Variants in KCNH8 observed in about 807,000 individuals in gnomAD.
KCNH8 encodes the protein potassium voltage-gated channel subfamily H member 8.
KCNH8 carries 70 observed loss-of-function variants against 103.6 expected under a neutral mutation model. That is an observed-to-expected ratio of 0.68 (90% CI 0.56 to 0.82). The LOEUF is 0.82. Ranked by LOEUF, KCNH8 falls within the 40% of genes least tolerant of loss-of-function variation. KCNH8 has a pLI of 0.00. For synonymous variants in KCNH8, 498 were observed against 489.4 expected (o/e 1.02, Z -0.23); for missense variants, 1,217 against 1,329.9 (o/e 0.92, Z 1.32).
chr3:19,348,953 C>T (rs2065763696), intron 5 of KCNH8, among the ~76,000 whole-genome samples: 1 of 151,738 alleles, frequency 6.6e-6, no homozygotes. Flanking sequence ...ATCTTTGAGG[C>T]TAGAGTGCGT....
At chr3:19,500,766 G>C (rs1320777849) in intron 11 of KCNH8, among the ~76,000 whole-genome samples, 1 of 152,064 alleles carries the variant, frequency 6.6e-6, no homozygotes, top group African/African-American at 2.4e-5. Context: ...GAATCTCTGG[G>C]ACACATTCAA....
At chr3:19,283,928 T>C (rs2064792127) in intron 3 of KCNH8, among the ~76,000 whole-genome samples, 1 of 144,874 alleles carries the variant, frequency 6.9e-6, no homozygotes, top group Non-Finnish European at 1.5e-5. Context: ...GGTGACAGAG[T>C]GAGACCCTGT....
At chr3:19,331,070 A>G (rs1448141306) in intron 3 of KCNH8, among the ~76,000 whole-genome samples, 1 of 152,066 alleles carries the variant, frequency 6.6e-6, no homozygotes, top group Non-Finnish European at 1.5e-5. Flanking sequence ...AAGGTAGTAT[A>G]AAGTTTTTCA....
At chr3:19,290,361 A>C (rs917035681) in intron 3 of KCNH8, among the ~76,000 whole-genome samples, 3 of 152,208 alleles carry the variant, frequency 2.0e-5, no homozygotes, top group Non-Finnish European at 4.4e-5. Context: ...TTGCCCATTC[A>C]GTGTGATATT....
intron 1 of KCNH8, among the ~76,000 whole-genome samples, chr3:19,174,147 T>C (rs1417187940): frequency 3.3e-5 from 5 of 151,988 alleles, no homozygotes; most frequent in African/African-American, 4.8e-5. Context: ...AGGTAACATT[T>C]TCCCCCTTGC....
intron 5 of KCNH8, among the ~76,000 whole-genome samples, chr3:19,381,977 G>T (rs1022470744): frequency 1.3e-5 from 2 of 152,146 alleles, no homozygotes; most frequent in African/African-American, 2.4e-5. Context: ...GATCATAAAG[G>T]AGGCTTCTGG....
chr3:19,292,979 G>GT (rs1454661777), intron 3 of KCNH8, among the ~76,000 whole-genome samples: 6 of 152,156 alleles, frequency 3.9e-5, no homozygotes, highest in African/African-American at 1.4e-4. Context: ...CAAGGTTTGG[G>GT]TTTTTTCCCT....
chr3:19,474,359 C>A (rs1418858865), intron 11 of KCNH8, among the ~76,000 whole-genome samples: 1 of 152,256 alleles, frequency 6.6e-6, no homozygotes, highest in East Asian at 1.9e-4. Flanking sequence ...GATCTGGAGG[C>A]CTCCAGTTTG....
At chr3:19,249,804 C>T (rs1286150019) in intron 1 of KCNH8, among the ~76,000 whole-genome samples, 1 of 152,112 alleles carries the variant, frequency 6.6e-6, no homozygotes. Context: ...AAGTTATGGG[C>T]TTCTTCTTTG....
chr3:19,206,511 G>A (rs2063718540), intron 1 of KCNH8, among the ~76,000 whole-genome samples: 1 of 151,866 alleles, frequency 6.6e-6, no homozygotes, highest in African/African-American at 2.4e-5. Context: ...GTTCTAAGTG[G>A]TGGGGATGAT....
intron 14 of KCNH8, among the ~76,000 whole-genome samples, chr3:19,517,562 T>C (rs981039514): frequency 1.3e-5 from 2 of 152,024 alleles, no homozygotes; most frequent in South Asian, 2.1e-4. Flanking sequence ...CAGTATCTGA[T>C]ATATATGTGG....
At chr3:19,436,492 A>G (rs2067201542) in intron 7 of KCNH8, among the ~76,000 whole-genome samples, 1 of 152,216 alleles carries the variant, frequency 6.6e-6, no homozygotes, top group Non-Finnish European at 1.5e-5. Flanking sequence ...TTTGGCCCAC[A>G]TAGCCAATCC....
At chr3:19,483,202 T>C (rs905983626) in intron 11 of KCNH8, among the ~76,000 whole-genome samples, 1 of 152,174 alleles carries the variant, frequency 6.6e-6, no homozygotes, top group South Asian at 2.1e-4. Flanking sequence ...ATAAGCTCTA[T>C]GCCCACATAT....
At chr3:19,270,683 A>G (rs1354694068) in intron 2 of KCNH8, among the ~76,000 whole-genome samples, 2 of 152,142 alleles carry the variant, frequency 1.3e-5, no homozygotes, top group East Asian at 1.9e-4. Context: ...ACTCAGGGCA[A>G]TCTGGCACAG....
chr3:19,371,936 A>G (rs973541286), intron 5 of KCNH8, among the ~76,000 whole-genome samples: 1 of 150,202 alleles, frequency 6.7e-6, no homozygotes, highest in Non-Finnish European at 1.5e-5. Context: ...ATGTGGCGTT[A>G]TTTCTGAGGG....
intron 1 of KCNH8, among the ~76,000 whole-genome samples, chr3:19,253,453 C>T (rs1007952780): frequency 3.3e-5 from 5 of 151,896 alleles, no homozygotes; most frequent in African/African-American, 7.3e-5. Context: ...TTTCAAAATG[C>T]AAGCCTAAGT....
At chr3:19,299,706 G>T (rs1308657977) in intron 3 of KCNH8, among the ~76,000 whole-genome samples, 1 of 151,840 alleles carries the variant, frequency 6.6e-6, no homozygotes, top group Non-Finnish European at 1.5e-5. Flanking sequence ...GTATGTCAAA[G>T]TATAATTTTT....
chr3:19,469,946 C>A (rs1040164134), intron 11 of KCNH8, among the ~76,000 whole-genome samples: 1 of 152,064 alleles, frequency 6.6e-6, no homozygotes, highest in African/African-American at 2.4e-5. Flanking sequence ...CACTGGAGTC[C>A]AAGGTCATGT....
At chr3:19,441,960 A>G (rs946941263) in intron 8 of KCNH8, among the ~76,000 whole-genome samples, 4 of 152,170 alleles carry the variant, frequency 2.6e-5, no homozygotes, top group African/African-American at 9.6e-5. Context: ...AAACATGTGG[A>G]AAGAGTTTTA....
Sources: allele counts gnomAD v4.1 joint callset (sites outside exome capture counted in the v4.1 genomes callset), GRCh38; gene constraint gnomAD v4.1.1; transcripts MANE v1.5; gene names NCBI Gene and HGNC (gene_info 2026-07-23, HGNC 2026-07-21).